Variants in SLC29A1 observed in about 807,000 individuals in gnomAD.
SLC29A1 encodes the protein solute carrier family 29 member 1 (Augustine blood group).
In SLC29A1, 22 loss-of-function variants were observed where a neutral mutation model predicts 48.3. The observed-to-expected ratio is 0.46, with a 90% CI of 0.33 to 0.65. SLC29A1 has a LOEUF of 0.65. Ranked by LOEUF, SLC29A1 falls within the 30% of genes least tolerant of loss-of-function variation. The probability of loss-of-function intolerance (pLI) is 0.03; values close to 1 mark genes in which losing one functional copy is unlikely to be tolerated. For missense variants in SLC29A1, 491 were observed against 575.3 expected (o/e 0.85, Z 1.50); for synonymous variants, 228 against 231.0 (o/e 0.99, Z 0.12).
chr6:44,223,598 G>T lies in SLC29A1; in HGVS notation c.-95G>T. 1 of 1,215,226 alleles carries T rather than the reference G, an allele frequency of 8.2e-7. No individual in the cohort carries two copies. The highest frequency in any genetic ancestry group is 1.0e-6 in the Non-Finnish European group (1 of 952,460). 75.3% of individuals were successfully genotyped at this position (1,215,226 alleles called of 1,614,324 possible). Reference sequence around the variant, plus strand: ...CCCGGCGGGAGAGGGAAGCTGCAGCGAGAGCGCGCGGATCTCAGCGCGGGA... The same window carrying T: ...CCCGGCGGGAGAGGGAAGCTGCAGCTAGAGCGCGCGGATCTCAGCGCGGGA... On this transcript the variant is annotated 5_prime_UTR_variant, in exon 1 of 13. Transcript: ENST00000371755. The surrounding 1 kb of genome is among the most constrained non-coding windows in gnomAD (Gnocchi z 5.0).
chr6:44,224,088 T>C, intron 1 of SLC29A1: 1 of 364,102 alleles, frequency 2.7e-6, no homozygotes, highest in Non-Finnish European at 3.8e-6. Flanking sequence ...TTAACCCCGG[T>C]CTTTTACTGG....
chr6:44,232,150 T>C lies in SLC29A1; in HGVS notation c.973+44T>C, dbSNP rs991782881. 4.0e-6 allele frequency: 6 copies of C among 1,483,440 alleles called. No homozygotes were observed. In the African/African-American group the frequency reaches 5.5e-5, roughly 14 times the overall value. The allele number at this position is 1,483,440 out of a possible 1,614,324, so 91.9% of individuals were successfully genotyped here. A position where few individuals can be genotyped will look rare whatever the true frequency, so the allele number is the denominator to read the frequency against. ...TCCAGGATGGGAACAGACAGGATCT[T>C]GAGTTGGGCTGGAAGTGGGGAAGGG... On this transcript the variant is annotated intron_variant, in intron 10 of 12. Coordinates refer to ENST00000371755, the MANE Select transcript of SLC29A1 (RefSeq NM_001372327.1). The surrounding 1 kb of genome is among the most constrained non-coding windows in gnomAD (Gnocchi z 4.7).
rs998906302 is a variant in SLC29A1 at position 44,233,827 on chromosome 6, G to A, written c.*299G>A. ...CTTGTGCAGGCCAGTGGAGGCTCTT[G>A]GGCTTGGAGAACACGTGTGTCTCTG... On this transcript the variant is annotated 3_prime_UTR_variant, in exon 13 of 13. Coordinates refer to ENST00000371755, the MANE Select transcript of SLC29A1 (RefSeq NM_001372327.1). 2 of 427,918 alleles carry A rather than the reference G, an allele frequency of 4.7e-6. No homozygotes were observed. The highest frequency in any genetic ancestry group is 1.3e-3 in the Middle Eastern group (2 of 1,558). 26.5% of individuals were successfully genotyped at this position (427,918 alleles called of 1,614,324 possible).
Position 44,232,159 on chromosome 6 carries a change from C to A in SLC29A1, c.973+53C>A. On this transcript the variant is annotated intron_variant, in intron 10 of 12. Coordinates refer to ENST00000371755, the MANE Select transcript of SLC29A1 (RefSeq NM_001372327.1). The surrounding 1 kb of genome is among the most constrained non-coding windows in gnomAD (Gnocchi z 4.7). ...GGAACAGACAGGATCTTGAGTTGGG[C>A]TGGAAGTGGGGAAGGGAGGGAGCCT... is the stretch of plus-strand genomic sequence containing the variant. 6.9e-7 allele frequency: 1 copy of A among 1,452,272 alleles called. No individual in the cohort carries two copies. Among genetic ancestry groups the A allele is most frequent in the Non-Finnish European group, 9.7e-7 (1 of 1,033,080 alleles). The allele number at this position is 1,452,272 out of a possible 1,614,324, so 90.0% of individuals were successfully genotyped here. A position where few individuals can be genotyped will look rare whatever the true frequency, so the allele number is the denominator to read the frequency against.
Position 44,233,414 on chromosome 6 carries a change from T to G in SLC29A1, c.1260-3T>G. On this transcript the variant is annotated splice_polypyrimidine_tract_variant and splice_region_variant and intron_variant, in intron 12 of 12. Coordinates refer to ENST00000371755, the MANE Select transcript of SLC29A1 (RefSeq NM_001372327.1). ...GTAGCCTTGCCCTTCCTTCCCCGCT[T>G]AGGAAAGTGAAGCCAGCTGAGGCAG... 6.2e-7 allele frequency: 1 copy of G among 1,612,778 alleles called. No homozygotes were observed. The highest frequency in any genetic ancestry group is 8.5e-7 in the Non-Finnish European group (1 of 1,178,786).
chr6:44,232,434 T>C lies in SLC29A1; in HGVS notation c.1059+6T>C, dbSNP rs1561887460. 1 of 1,602,624 alleles carries C rather than the reference T, an allele frequency of 6.2e-7. No homozygotes were observed. The highest frequency in any genetic ancestry group is 8.5e-7 in the Non-Finnish European group (1 of 1,170,048). Reference sequence around the variant, plus strand: ...TCACAGCTGTATTCATGTGGGTAAGTGGAGGAAGAGGGCCCCAGGCCCCTG... The same window carrying C: ...TCACAGCTGTATTCATGTGGGTAAGCGGAGGAAGAGGGCCCCAGGCCCCTG... On this transcript the variant is annotated splice_donor_region_variant and intron_variant, in intron 11 of 12. Transcript: ENST00000371755. This position sits in a 1 kb window ranked among gnomAD's most constrained non-coding sequence, Gnocchi z 4.7.
intron 5 of SLC29A1, 99 bp from the exon 6 acceptor site, chr6:44,230,248 C>G (rs1017484027): frequency 6.5e-7 from 1 of 1,545,314 alleles, no homozygotes. Context: ...AGCCTCAAGG[C>G]TCACCAAGAG....
At chr6:44,226,883 C>T in intron 1 of SLC29A1, 1 of 1,057,890 alleles carries the variant, frequency 9.5e-7, no homozygotes, top group South Asian at 3.0e-5. Flanking sequence ...CCTGACCCCT[C>T]TCGTCCTCTT....
rs1234088328 is a variant in SLC29A1, at chr6:44,227,245, T to C, written c.-51-18T>C. ...GCAGGGCCAAGACAGGGCCTCACAC[T>C]GTTCCTGCCCCCAGCAGGCCCCTGA... is the stretch of plus-strand genomic sequence containing the variant. On this transcript the variant is annotated intron_variant, in intron 1 of 12. Coordinates refer to ENST00000371755, the MANE Select transcript of SLC29A1 (RefSeq NM_001372327.1). 3 of 1,609,348 alleles carry C rather than the reference T, an allele frequency of 1.9e-6. No individual in the cohort carries two copies. Among genetic ancestry groups the C allele is most frequent in the Admixed American group, 1.7e-5 (1 of 59,702 alleles).
rs759034056 is a variant in SLC29A1 at position 44,231,472 on chromosome 6, G to A, written c.864+11G>A. The A allele has an allele frequency of 1.9e-6, 3 of 1,551,136 alleles. No homozygotes were observed. Among genetic ancestry groups the A allele is most frequent in the Non-Finnish European group, 2.7e-6 (3 of 1,127,404 alleles). The stretch of plus-strand genomic sequence containing the variant: ...GCCATCCTGAAAAATGTACGTAGGG[G>A]AGGTTATCCTATCTTCTACCCCTTG... On this transcript the variant is annotated intron_variant, in intron 9 of 12. Transcript: ENST00000371755.
At chr6:44,226,840 A>T (rs1345857303) in intron 1 of SLC29A1, 3 of 1,019,492 alleles carry the variant, frequency 2.9e-6, no homozygotes, top group Non-Finnish European at 3.5e-6. Context: ...TGTCTCCTCC[A>T]TTTGTCTCCC....
upstream of SLC29A1, among the ~76,000 whole-genome samples, chr6:44,223,255 G>T (rs917577901): frequency 3.3e-5 from 5 of 151,566 alleles, no homozygotes; most frequent in Non-Finnish European, 7.4e-5. The surrounding 1 kb of genome is among the most constrained non-coding windows in gnomAD (Gnocchi z 5.0). Context: ...TGAGCAGCGG[G>T]TGTGTAAATG....
upstream of SLC29A1, chr6:44,221,683 T>A (rs1343434173): frequency 7.8e-7 from 1 of 1,286,270 alleles, no homozygotes; most frequent in Admixed American, 2.3e-5. The surrounding 1 kb of genome is among the most constrained non-coding windows in gnomAD (Gnocchi z 4.2). Context: ...AGGCAAGGCC[T>A]GTGTAAGTTG....
chr6:44,232,945 A>C lies in SLC29A1; in HGVS notation c.1198A>C (p.Met400Leu), dbSNP rs750495947. The C allele has an allele frequency of 6.2e-7, 1 of 1,614,106 alleles. No homozygotes were observed. The highest frequency in any genetic ancestry group is 2.2e-5 in the East Asian group (1 of 44,888). ...FEHDAWFIFF[M>L]AAFAFSNGYL... Reference sequence around the variant, plus strand: ...GCACGATGCCTGGTTCATCTTCTTCATGGCTGCCTTTGCCTTCTCCAACGG... The same window carrying C: ...GCACGATGCCTGGTTCATCTTCTTCCTGGCTGCCTTTGCCTTCTCCAACGG... The change falls in exon 12 of 13, where the codon ATG becomes CTG. Residue 400 changes from methionine to leucine, a missense_variant. Met to Leu is a conservative substitution (Grantham distance 15, BLOSUM62 2). Transcript: ENST00000371755. The surrounding 1 kb of genome is among the most constrained non-coding windows in gnomAD (Gnocchi z 4.7).
At chr6:44,233,079 G>A in intron 12 of SLC29A1, 73 bp downstream of exon 12, 1 of 1,484,442 alleles carries the variant, frequency 6.7e-7, no homozygotes, top group Non-Finnish European at 9.3e-7. Flanking sequence ...ACTCAGTAGA[G>A]GGAGGGCAAA....
At chr6:44,226,404 A>C (rs551077802) in intron 1 of SLC29A1, among the ~76,000 whole-genome samples, 21 of 151,714 alleles carry the variant, frequency 1.4e-4, no homozygotes, top group African/African-American at 4.6e-4. Flanking sequence ...CCACCCCTCC[A>C]ATCTTCTTTT....
rs895311290 is a variant in SLC29A1, at chr6:44,231,009, T to C, written c.766+120T>C. 3.5e-5 allele frequency: 28 copies of C among 794,438 alleles called. No homozygotes were observed. In the African/African-American group the frequency reaches 3.9e-4, roughly 11 times the overall value. The allele number at this position is 794,438 out of a possible 1,614,324, so 49.2% of individuals were successfully genotyped here. On this transcript the variant is annotated intron_variant, in intron 8 of 12. Transcript: ENST00000371755. ...TAGCAGCCCTGAGCCAGAGGAGGACTGAAGGACTACAGCAGGGAGAGGGGG... is the reference window on the plus strand; with the variant it reads ...TAGCAGCCCTGAGCCAGAGGAGGACCGAAGGACTACAGCAGGGAGAGGGGG...
upstream of SLC29A1, among the ~76,000 whole-genome samples, chr6:44,221,967 G>T (rs1776482482): frequency 6.6e-6 from 1 of 152,160 alleles, no homozygotes; most frequent in African/African-American, 2.4e-5. This position sits in a 1 kb window ranked among gnomAD's most constrained non-coding sequence, Gnocchi z 4.2. Flanking sequence ...GTACACAACT[G>T]CAGCCACTGG....
chr6:44,224,609 C>T (rs1033759027), intron 1 of SLC29A1, among the ~76,000 whole-genome samples: 1 of 152,170 alleles, frequency 6.6e-6, no homozygotes, highest in Non-Finnish European at 1.5e-5. Context: ...CCCTCTGAAC[C>T]TCAGCTGGCC....
Sources: gnomAD v4.1 joint callset for allele counts (sites outside exome capture counted in the v4.1 genomes callset) on GRCh38, gnomAD v4.1.1 for gene constraint, Gnocchi (gnomAD v3.1) non-coding constraint, MANE v1.5 for transcripts, NCBI Gene and HGNC (gene_info 2026-07-23, HGNC 2026-07-21) for gene names.